TTN: variants seen among roughly 807,000 people sequenced by gnomAD.
TTN encodes connectin.
In TTN, 1,525 loss-of-function variants were observed where a neutral mutation model predicts 3,223.0. That is an observed-to-expected ratio of 0.47 (90% confidence interval 0.45 to 0.49). The LOEUF is 0.49. Among genes scored for constraint, TTN ranks in the 20% least tolerant of loss-of-function variants. The pLI, the probability that TTN is intolerant of heterozygous loss-of-function variation, is 0.00. For synonymous variants in TTN, 14,094 were observed against 15,161.0 expected (o/e 0.93, Z 5.17); for missense variants, 40,786 against 43,424.0 (o/e 0.94, Z 5.40).
chr2:178,751,070 G>T, intron 47 of TTN: 1 of 1,612,802 alleles, frequency 6.2e-7, no homozygotes, highest in African/African-American at 1.3e-5. Context: ...CATTTGATTA[G>T]AAAGGGCATG....
rs768930865 is a variant in TTN, at chr2:178,784,368, T to C, written c.2494-17A>G. The C allele has an allele frequency of 1.9e-6, 3 of 1,613,502 alleles. No individual in the cohort carries two copies. The highest frequency in any genetic ancestry group is 2.5e-6 in the Non-Finnish European group (3 of 1,179,958). On this transcript the variant is annotated splice_polypyrimidine_tract_variant and intron_variant, in intron 15 of 362. Transcript: ENST00000589042. The stretch of plus-strand genomic sequence containing the variant: ...TATTGATGCCTACATGGAAACAGAG[T>C]CAGAAAATAAAGTCATTTAACCATC...
rs752150259 is a variant in TTN at position 178,705,292 on chromosome 2, T to C, written c.29486A>G (p.Asn9829Ser). 3 of 1,613,080 alleles carry C rather than the reference T, an allele frequency of 1.9e-6. No homozygotes were observed. Among genetic ancestry groups the C allele is most frequent in the Admixed American group, 1.7e-5 (1 of 59,896 alleles). ...EEIDIMELLKNVDPKEYEKYA... is the reference protein window; with the variant it reads ...EEIDIMELLKSVDPKEYEKYA... ...TTTTTCATATTCTTTAGGATCAACA[T>C]TTTTGAGAAGTTCCATGATATCAAT... The change falls in exon 103 of 363, where the codon AAT becomes AGT. Residue 9829 changes from asparagine (N) to serine (S), a missense_variant. Coordinates refer to ENST00000589042, the MANE Select transcript of TTN (RefSeq NM_001267550.2).
Position 178,795,154 on chromosome 2 carries a change from C to T in TTN, c.1013G>A (p.Gly338Asp), listed in dbSNP as rs2093698726. ...CTTCCAAGGGGGAGGCACTTCAGGA[C>T]CTGTGGCCACGGTGGATGCCTGAGT... Reference protein sequence around the residue: ...RKTQASTVATGPEVPPPWKQE... With the variant: ...RKTQASTVATDPEVPPPWKQE... Residue 338 changes from glycine to aspartate, a missense_variant, in exon 7 of 363, where the codon GGT becomes GAT. Gly to Asp is a moderately conservative substitution (Grantham distance 94, BLOSUM62 -1). Coordinates refer to ENST00000589042, the MANE Select transcript of TTN (RefSeq NM_001267550.2). 6.2e-7 allele frequency: 1 copy of T among 1,614,166 alleles called. No homozygotes were observed. Among genetic ancestry groups the T allele is most frequent in the Non-Finnish European group, 8.5e-7 (1 of 1,180,020 alleles).
Position 178,773,654 on chromosome 2 carries a change from C to G in TTN, c.7402G>C (p.Val2468Leu), listed in dbSNP as rs1420278166. The change falls in exon 32 of 363, where the codon GTG (valine) becomes CTG (leucine). Residue 2468 changes from valine (V) to leucine (L), a missense_variant. Coordinates refer to ENST00000589042, the MANE Select transcript of TTN (RefSeq NM_001267550.2). The stretch of plus-strand genomic sequence containing the variant: ...ACAGAAGTCACATCAGGGACTGACA[C>G]CTTACATTCAAGCACAGCCTTGGTG... ...EGTKAVLECK[V>L]SVPDVTSVKW... is the part of the protein sequence containing the mutation. 2 of 1,614,008 alleles carry G rather than the reference C, an allele frequency of 1.2e-6. No homozygotes were observed. The highest frequency in any genetic ancestry group is 1.7e-5 in the Admixed American group (1 of 60,000).
chr2:178,616,384 G>T, intron 257 of TTN, 95 bp downstream of exon 257: 1 of 1,525,300 alleles, frequency 6.6e-7, no homozygotes, highest in Non-Finnish European at 8.9e-7. Flanking sequence ...AAGGTAAGAA[G>T]TTGTAGCACA....
At position 178,756,251 on chromosome 2, in the gene TTN, G is replaced by A; in HGVS notation, c.11225C>T (p.Thr3742Ile). The change falls in exon 46 of 363, where the codon ACA becomes ATA. Residue 3742 changes from threonine (T) to isoleucine (I), a missense_variant. By Grantham distance (89) the Thr-to-Ile change is moderately conservative. Transcript: ENST00000589042. ...CIVHNDCGER[T>I]TSAVLSVEGA... is the part of the protein sequence containing the mutation. ...TTCTACACTTAGTACTGCTGACGTT[G>A]TCCTCTCTCCACAGTCATTGTGTAC... is the stretch of plus-strand genomic sequence containing the variant. 1 of 1,612,368 alleles carries A rather than the reference G, an allele frequency of 6.2e-7. No individual in the cohort carries two copies. The highest frequency in any genetic ancestry group is 8.5e-7 in the Non-Finnish European group (1 of 1,178,654).
chr2:178,732,794 T>C, intron 55 of TTN, 40 bp downstream of exon 55: 1 of 1,573,260 alleles, frequency 6.4e-7, no homozygotes, highest in Non-Finnish European at 8.6e-7. Flanking sequence ...AATTTGAACA[T>C]AATCTTTAAT....
At chr2:178,670,898 C>A (rs1398777415) in intron 156 of TTN, among the ~76,000 whole-genome samples, 192 bp downstream of exon 156, 1 of 151,876 alleles carries the variant, frequency 6.6e-6, no homozygotes, top group African/African-American at 2.4e-5. Context: ...GGTATAACAA[C>A]AGTGACTGTC....
In TTN at chr2:178,723,431, A is replaced by G; in HGVS notation, c.21669T>C (p.Arg7223=). The G allele has an allele frequency of 6.2e-7, 1 of 1,611,994 alleles. No homozygotes were observed. Among genetic ancestry groups the G allele is most frequent in the Non-Finnish European group, 8.5e-7 (1 of 1,178,812 alleles). ...NNAGQASCTT[R]LFVKEPAAFL... Reference sequence around the variant, plus strand: ...ACTTGAGCAAACCTTTCACAAAGAGACGGGTAGTGCAAGATGCTTGGCCAG... The same window carrying G: ...ACTTGAGCAAACCTTTCACAAAGAGGCGGGTAGTGCAAGATGCTTGGCCAG... The change falls in exon 74 of 363, where the codon CGT becomes CGC. Residue 7223 remains arginine, a synonymous_variant. Coordinates refer to ENST00000589042, the MANE Select transcript of TTN (RefSeq NM_001267550.2).
At chr2:178,635,018 T>C in intron 228 of TTN, 147 bp downstream of exon 228, 4 of 1,361,128 alleles carry the variant, frequency 2.9e-6, no homozygotes, top group Non-Finnish European at 4.0e-6. Flanking sequence ...CCCCAAATGA[T>C]ACGTAAAATT....
chr2:178,675,338 T>A (rs905788698), intron 149 of TTN: 4 of 390,722 alleles, frequency 1.0e-5, no homozygotes, highest in African/African-American at 2.2e-5. Context: ...TGCTGGAGCC[T>A]CTATTTCTTT....
intron 11 of TTN, among the ~76,000 whole-genome samples, chr2:178,790,486 A>G (rs191756816): frequency 1.3e-5 from 2 of 152,350 alleles, no homozygotes; most frequent in East Asian, 3.9e-4. Context: ...GGAAGATATT[A>G]AAGTGAATTA....
chr2:178,675,049 T>C lies in TTN; in HGVS notation c.34602A>G (p.Leu11534=). 3 of 1,539,534 alleles carry C rather than the reference T, an allele frequency of 1.9e-6. No homozygotes were observed. The highest frequency in any genetic ancestry group is 2.6e-5 in the South Asian group (2 of 76,230). The change falls in exon 150 of 363, where the codon CTA becomes CTG. Residue 11534 remains leucine, a synonymous_variant. Coordinates refer to ENST00000589042, the MANE Select transcript of TTN (RefSeq NM_001267550.2). ...RIILPKEEEV[L]PVEVTEEPEE... is the part of the protein sequence containing the mutation. ...TAGAAAGTTATCTACCTTCAACTGG[T>C]AGAACTTCCTCTTCTTTAGGGAGAA...
rs1553909881 is a variant in TTN, at chr2:178,722,043, A to G, written c.22620T>C (p.Gly7540=). The change falls in exon 78 of 363, where the codon GGT becomes GGC. Residue 7540 remains glycine, a synonymous_variant. Transcript: ENST00000589042. ...ACCAAGTGATTCGCATCGGTTGAGCACCAGTAACATGACACTCAAAATCAG... is the reference window on the plus strand; with the variant it reads ...ACCAAGTGATTCGCATCGGTTGAGCGCCAGTAACATGACACTCAAAATCAG... The part of the protein sequence containing the change: ...ESADFECHVT[G]AQPMRITWSK... 18 of 1,613,194 alleles carry G rather than the reference A, an allele frequency of 1.1e-5. No homozygotes were observed. The highest frequency in any genetic ancestry group is 1.4e-5 in the Non-Finnish European group (16 of 1,179,504).
chr2:178,636,491 T>C lies in TTN; in HGVS notation c.41236A>G (p.Ile13746Val), dbSNP rs554128863. Residue 13746 changes from isoleucine (I) to valine (V), a missense_variant, in exon 225 of 363, where the codon ATT (isoleucine) becomes GTT (valine). Ile to Val is a conservative substitution (Grantham distance 29, BLOSUM62 3). Transcript: ENST00000589042. This position sits in a 1 kb window ranked among gnomAD's most constrained non-coding sequence, Gnocchi z 4.3. ...CCAGCATCGGAAAGTTGAACATCAATGATGTGCAGCTTTCTGTCTTTACCA... is the reference window on the plus strand; with the variant it reads ...CCAGCATCGGAAAGTTGAACATCAACGATGTGCAGCTTTCTGTCTTTACCA... The part of the protein sequence containing the change: ...ADGKDRKLHI[I>V]DVQLSDAGEY... 6.2e-7 allele frequency: 1 copy of C among 1,613,454 alleles called. No individual in the cohort carries two copies. Among genetic ancestry groups the C allele is most frequent in the South Asian group, 1.1e-5 (1 of 91,070 alleles).
rs749894582 is a variant in TTN at position 178,608,669 on chromosome 2, C to G, written c.52342G>C (p.Glu17448Gln). Residue 17448 changes from glutamate (E) to glutamine (Q), a missense_variant, in exon 274 of 363, where the codon GAA becomes CAA. By Grantham distance (29) the Glu-to-Gln change is conservative. Transcript: ENST00000589042. ...GKEYLFRVRA[E>Q]NRFGPGPPCV... Reference sequence around the variant, plus strand: ...GGTGGACCTGGCCCAAATCTGTTTTCAGCTCTTACACGGAAGAGGTACTCT... The same window carrying G: ...GGTGGACCTGGCCCAAATCTGTTTTGAGCTCTTACACGGAAGAGGTACTCT... 1 of 1,612,054 alleles carries G rather than the reference C, an allele frequency of 6.2e-7. No homozygotes were observed. Among genetic ancestry groups the G allele is most frequent in the Admixed American group, 1.7e-5 (1 of 59,876 alleles).
intron 47 of TTN, 105 bp downstream of exon 47, chr2:178,753,019 C>T: frequency 1.1e-6 from 1 of 873,122 alleles, no homozygotes; most frequent in Non-Finnish European, 1.8e-6. Context: ...ATTTGTATAT[C>T]TATGTCATTT....
chr2:178,601,694 C>T lies in TTN; in HGVS notation c.55396G>A (p.Gly18466Arg), dbSNP rs772677752. 85 of 1,607,278 alleles carry T rather than the reference C, an allele frequency of 5.3e-5. No homozygotes were observed. The highest frequency in any genetic ancestry group is 5.9e-5 in the Non-Finnish European group (70 of 1,177,980). ...KYSITAKNKA[G>R]QKTANCRVKV... ...ACTCTGCAATTTGCAGTCTTTTGTC[C>T]TGCTTTATTCTTGGCTGTGATGCTG... Residue 18466 changes from glycine (G) to arginine (R), a missense_variant, in exon 286 of 363, where the codon GGA (glycine) becomes AGA (arginine). Physicochemically the swap from Gly to Arg is moderately radical, Grantham distance 125. Transcript: ENST00000589042.
intron 219 of TTN, 150 bp downstream of exon 219, chr2:178,642,087 T>A (rs1186865416): frequency 3.6e-6 from 2 of 561,344 alleles, no homozygotes; most frequent in Non-Finnish European, 5.7e-6. Context: ...GGAAATGACA[T>A]TTTTCTTAAT....
Sources: allele counts gnomAD v4.1 joint callset (sites outside exome capture counted in the v4.1 genomes callset), GRCh38; gene constraint gnomAD v4.1.1; non-coding constraint Gnocchi (gnomAD v3.1); transcripts MANE v1.5; gene names NCBI Gene and HGNC (gene_info 2026-07-23, HGNC 2026-07-21).